Variants in CNTNAP4 observed in about 807,000 individuals in gnomAD.
CNTNAP4 encodes the protein contactin-associated protein-like 4.
CNTNAP4 carries 98 observed loss-of-function variants against 148.4 expected under a neutral mutation model. That is an observed-to-expected ratio of 0.66 (90% CI 0.56 to 0.78). CNTNAP4 has a LOEUF of 0.78. Among genes scored for constraint, CNTNAP4 ranks in the 30% least tolerant of loss-of-function variants. The pLI, the probability that CNTNAP4 is intolerant of heterozygous loss-of-function variation, is 0.00. For missense variants in CNTNAP4, 1,935 were observed against 1,565.6 expected, an observed-to-expected ratio of 1.24 and a Z score of -3.98; for synonymous variants, 730 against 565.1, an observed-to-expected ratio of 1.29 and a Z score of -4.14.
At chr16:76,515,659 C>T (rs8055087) in intron 15 of CNTNAP4, among the ~76,000 whole-genome samples, 29,068 of 152,040 alleles carry the variant, frequency 0.19, 3,828 homozygotes, top group East Asian at 0.45. Flanking sequence ...GGGCAAAAGA[C>T]GTGGAAGGAG....
At chr16:76,337,721 C>T (rs968494068) in intron 2 of CNTNAP4, among the ~76,000 whole-genome samples, 3 of 152,140 alleles carry the variant, frequency 2.0e-5, no homozygotes, top group African/African-American at 4.8e-5. Flanking sequence ...GGGTGTATTT[C>T]ATCCCTTATC....
chr16:76,403,909 G>T (rs1271052167), intron 3 of CNTNAP4, among the ~76,000 whole-genome samples: 1 of 152,130 alleles, frequency 6.6e-6, no homozygotes, highest in African/African-American at 2.4e-5. Context: ...AACATGGATG[G>T]AGCTGGAGGC....
At chr16:76,432,298 C>A (rs2079639763) in intron 4 of CNTNAP4, among the ~76,000 whole-genome samples, 1 of 152,058 alleles carries the variant, frequency 6.6e-6, no homozygotes, top group African/African-American at 2.4e-5. Context: ...TTGCCGTTTA[C>A]CCCAACAAGT....
intron 10 of CNTNAP4, among the ~76,000 whole-genome samples, chr16:76,472,497 A>G (rs867156972): frequency 6.6e-6 from 1 of 152,008 alleles, no homozygotes; most frequent in Non-Finnish European, 1.5e-5. Flanking sequence ...GAGGTTTGCT[A>G]TAGAATAGCC....
chr16:76,369,699 A>G (rs750593077), intron 3 of CNTNAP4, among the ~76,000 whole-genome samples: 4 of 152,158 alleles, frequency 2.6e-5, no homozygotes, highest in Non-Finnish European at 5.9e-5. Context: ...AAAATTAACC[A>G]GGTGGGGTGG....
intron 1 of CNTNAP4, among the ~76,000 whole-genome samples, chr16:76,278,991 A>G (rs748624670): frequency 2.6e-5 from 4 of 152,186 alleles, no homozygotes; most frequent in Non-Finnish European, 5.9e-5. Context: ...ATCAGATTCA[A>G]CTTTAGTTTG....
At position 76,355,351 on chromosome 16, in the gene CNTNAP4, A is replaced by G. The variant is rs2012445510; in HGVS notation, c.230A>G (p.Lys77Arg). The change falls in exon 3 of 24, where the codon AAA (lysine) becomes AGA (arginine). Residue 77 changes from lysine to arginine, a missense_variant. Transcript: ENST00000611870. The part of the protein sequence containing the change: ...AGGWSPLVSN[K>R]YQWLQIDLGE... ...GGCTGGTCTCCACTTGTGTCTAACA[A>G]ATACCAGTGGTTGCAGATTGACCTT... 3 of 1,597,786 alleles carry G rather than the reference A, an allele frequency of 1.9e-6. No homozygotes were observed. Among genetic ancestry groups the G allele is most frequent in the East Asian group, 2.3e-5 (1 of 43,716 alleles).
intron 12 of CNTNAP4, among the ~76,000 whole-genome samples, chr16:76,485,500 C>G (rs1346421854): frequency 6.6e-6 from 1 of 152,120 alleles, no homozygotes; most frequent in Non-Finnish European, 1.5e-5. Context: ...ATGATTGTTC[C>G]AGAGGGGAGA....
chr16:76,513,010 G>A (rs962963268), intron 15 of CNTNAP4, among the ~76,000 whole-genome samples: 4 of 152,148 alleles, frequency 2.6e-5, no homozygotes, highest in Non-Finnish European at 4.4e-5. Context: ...TCAAGGAATA[G>A]TGGGAGGAAA....
intron 3 of CNTNAP4, among the ~76,000 whole-genome samples, chr16:76,383,351 C>A (rs1459685197): frequency 1.1e-4 from 16 of 144,216 alleles, no homozygotes; most frequent in Admixed American, 2.9e-4. Flanking sequence ...TCGAAAGATT[C>A]TTGCCAAAGT....
intron 3 of CNTNAP4, among the ~76,000 whole-genome samples, chr16:76,387,963 A>G (rs1289393937): frequency 6.6e-6 from 1 of 152,198 alleles, no homozygotes; most frequent in East Asian, 1.9e-4. Context: ...ATTTTTTAAA[A>G]AGTATTAATG....
At chr16:76,523,795 G>C (rs886453873) in intron 17 of CNTNAP4, among the ~76,000 whole-genome samples, 1 of 152,072 alleles carries the variant, frequency 6.6e-6, no homozygotes, top group Non-Finnish European at 1.5e-5. Flanking sequence ...AGGCAGGCAT[G>C]GTGGCACTCG....
chr16:76,479,338 T>A, intron 11 of CNTNAP4, 81 bp from the exon 12 acceptor site: 2 of 1,261,330 alleles, frequency 1.6e-6, no homozygotes, highest in Non-Finnish European at 2.2e-6. Flanking sequence ...AATTTCAAGA[T>A]TTGCGGTATT....
Position 76,355,581 on chromosome 16 carries a change from A to T in CNTNAP4, c.390+70A>T, listed in dbSNP as rs879041218. ...AATCAGTACTGCATCTTGTTTACCA[A>T]TCTCTTAAATTAAGTAGACATACAG... On this transcript the variant is annotated intron_variant, in intron 3 of 23. Transcript: ENST00000611870. 3 of 1,145,818 alleles carry T rather than the reference A, an allele frequency of 2.6e-6. No homozygotes were observed. In the Admixed American group the frequency reaches 8.7e-5, roughly 33 times the overall value. 71.0% of individuals were successfully genotyped at this position (1,145,818 alleles called of 1,614,324 possible). A position where few individuals can be genotyped will look rare whatever the true frequency, so the allele number is the denominator to read the frequency against.
chr16:76,392,750 G>A (rs1198144652), intron 3 of CNTNAP4, among the ~76,000 whole-genome samples: 1 of 152,166 alleles, frequency 6.6e-6, no homozygotes, highest in African/African-American at 2.4e-5. Context: ...ATAACAAAGG[G>A]ACATGGAATT....
At chr16:76,327,247 C>G (rs984167768) in intron 2 of CNTNAP4, among the ~76,000 whole-genome samples, 3 of 152,286 alleles carry the variant, frequency 2.0e-5, no homozygotes, top group Non-Finnish European at 4.4e-5. Context: ...TTGTTCCCAA[C>G]TTTAGGTCCA....
At chr16:76,502,698 A>G (rs926295906) in intron 15 of CNTNAP4, among the ~76,000 whole-genome samples, 2 of 152,162 alleles carry the variant, frequency 1.3e-5, no homozygotes, top group Admixed American at 1.3e-4. Context: ...ATTCGATATG[A>G]TTTAGATGTA....
At chr16:76,385,915 C>T (rs1045452263) in intron 3 of CNTNAP4, among the ~76,000 whole-genome samples, 6 of 151,838 alleles carry the variant, frequency 4.0e-5, no homozygotes, top group African/African-American at 9.7e-5. Flanking sequence ...TTCAGCTCTA[C>T]GTTTGGGGCC....
intron 2 of CNTNAP4, among the ~76,000 whole-genome samples, chr16:76,352,184 G>T (rs995857657): frequency 1.3e-5 from 2 of 152,148 alleles, no homozygotes; most frequent in Non-Finnish European, 2.9e-5. Flanking sequence ...TGCAGTTGTA[G>T]CAATAAGAGA....
Sources: allele counts gnomAD v4.1 joint callset (sites outside exome capture counted in the v4.1 genomes callset), GRCh38; gene constraint gnomAD v4.1.1; transcripts MANE v1.5; gene names NCBI Gene and HGNC (gene_info 2026-07-23, HGNC 2026-07-21).